GRIK4: variants seen among roughly 807,000 people sequenced by gnomAD.
GRIK4 encodes the protein glutamate receptor ionotropic, kainate 4.
A neutral mutation model predicts 104.9 loss-of-function variants in GRIK4; 40 were observed. The observed-to-expected ratio is 0.38, with a 90% CI of 0.30 to 0.50. The LOEUF is 0.50. Among genes scored for constraint, GRIK4 ranks in the 20% least tolerant of loss-of-function variants. The probability of loss-of-function intolerance (pLI) is 0.93; values close to 1 mark genes in which losing one functional copy is unlikely to be tolerated. For missense variants in GRIK4, 1,047 were observed against 1,308.1 expected (o/e 0.80, Z 3.08); for synonymous variants, 485 against 524.9 (o/e 0.92, Z 1.04).
intron 1 of GRIK4, among the ~76,000 whole-genome samples, chr11:120,574,452 C>A (rs1187095320): frequency 6.6e-6 from 1 of 152,206 alleles, no homozygotes; most frequent in African/African-American, 2.4e-5. Flanking sequence ...CTGTTTTACT[C>A]CCTTTTTGCA....
At chr11:120,748,990 C>T (rs115230587) in intron 3 of GRIK4, among the ~76,000 whole-genome samples, 1,570 of 152,264 alleles carry the variant, frequency 0.01, 23 homozygotes, top group African/African-American at 0.035. Context: ...TTGATCCAGG[C>T]TTTATGGCCA....
chr11:120,982,471 A>G (rs1944668324), intron 20 of GRIK4, among the ~76,000 whole-genome samples: 1 of 152,226 alleles, frequency 6.6e-6, no homozygotes, highest in Non-Finnish European at 1.5e-5. Flanking sequence ...GTTACTATGG[A>G]AAAGACAACC....
rs946226070 is a variant in GRIK4, at chr11:120,844,791, G to T, written c.744+7947G>T. Among the ~76,000 whole-genome samples, 6 of 152,326 alleles carry T rather than the reference G, an allele frequency of 3.9e-5. No individual in the cohort carries two copies. In the East Asian group the frequency reaches 1.2e-3, roughly 29 times the overall value. On this transcript the variant is annotated intron_variant, in intron 8 of 20. Transcript: ENST00000527524. The stretch of plus-strand genomic sequence containing the variant: ...ACGTTGTGCAGGACCATGTAGGGTG[G>T]TTTAGTTCAGGATCCAAGAGACACA...
chr11:120,864,785 C>G (rs944177746), intron 9 of GRIK4, among the ~76,000 whole-genome samples: 5 of 152,152 alleles, frequency 3.3e-5, no homozygotes, highest in Admixed American at 3.3e-4. Context: ...TTGTAAGGAT[C>G]CAGCACAAAG....
chr11:120,936,427 G>A (rs998342134), intron 13 of GRIK4: 4 of 252,136 alleles, frequency 1.6e-5, no homozygotes, highest in African/African-American at 4.6e-5. Flanking sequence ...GGAGAGATAC[G>A]GGTTTCATTT....
intron 3 of GRIK4, among the ~76,000 whole-genome samples, chr11:120,789,643 T>G (rs1259031561): frequency 2.0e-5 from 3 of 152,160 alleles, no homozygotes; most frequent in Admixed American, 6.5e-5. Context: ...CGGCACCTTC[T>G]GGACCTTCAG....
In GRIK4 at chr11:120,819,228, C is replaced by G. The variant is rs1435325956; in HGVS notation, c.346-527C>G. ...CGGGAGCCCATCCCCGCCCCACTTC[C>G]TCTCCCTGGGCATTCCCCACTGAAG... On this transcript the variant is annotated intron_variant, in intron 5 of 20. Coordinates refer to ENST00000527524, the MANE Select transcript of GRIK4 (RefSeq NM_014619.5). This position sits in a 1 kb window ranked among gnomAD's most constrained non-coding sequence, Gnocchi z 4.3. Among the ~76,000 whole-genome samples the G allele has an allele frequency of 6.6e-6, 1 of 152,234 alleles. No individual in the cohort carries two copies. The highest frequency in any genetic ancestry group is 1.5e-5 in the Non-Finnish European group (1 of 68,040).
intron 13 of GRIK4, among the ~76,000 whole-genome samples, chr11:120,914,622 G>A (rs1943067491): frequency 6.6e-6 from 1 of 152,192 alleles, no homozygotes; most frequent in African/African-American, 2.4e-5. Flanking sequence ...GTTGGTTCTG[G>A]ACAACTGGAG....
At chr11:120,984,555 T>G (rs1484585405) in intron 20 of GRIK4, among the ~76,000 whole-genome samples, 1 of 151,992 alleles carries the variant, frequency 6.6e-6, no homozygotes, top group Non-Finnish European at 1.5e-5. Flanking sequence ...AATCATGAGG[T>G]CGGCAGTTCA....
chr11:120,813,338 C>A (rs923660536), intron 4 of GRIK4, among the ~76,000 whole-genome samples: 1 of 152,092 alleles, frequency 6.6e-6, no homozygotes, highest in African/African-American at 2.4e-5. Flanking sequence ...AGACCCCACT[C>A]CCCCAAGGCA....
chr11:120,798,850 C>G (rs950716747), intron 3 of GRIK4, among the ~76,000 whole-genome samples: 4 of 152,174 alleles, frequency 2.6e-5, no homozygotes, highest in Non-Finnish European at 5.9e-5. Context: ...TTAGTTTTGT[C>G]CTACAGACCC....
At chr11:120,517,842 A>G (rs1169661308) in intron 1 of GRIK4, among the ~76,000 whole-genome samples, 1 of 152,180 alleles carries the variant, frequency 6.6e-6, no homozygotes, top group Non-Finnish European at 1.5e-5. Context: ...GAGTAGACAC[A>G]GGTTTAGAAT....
At chr11:120,671,447 C>G (rs1021919079) in intron 3 of GRIK4, among the ~76,000 whole-genome samples, 2 of 152,092 alleles carry the variant, frequency 1.3e-5, no homozygotes, top group African/African-American at 4.8e-5. Flanking sequence ...TCATGGATAT[C>G]TCATTTTGAT....
At chr11:120,920,420 C>T (rs1261148709) in intron 13 of GRIK4, among the ~76,000 whole-genome samples, 1 of 152,114 alleles carries the variant, frequency 6.6e-6, no homozygotes, top group Non-Finnish European at 1.5e-5. Flanking sequence ...TCTGCCTGCT[C>T]CCCTGGGACA....
intron 11 of GRIK4, among the ~76,000 whole-genome samples, 193 bp downstream of exon 11, chr11:120,875,436 AC>A (rs1040218638): frequency 2.0e-5 from 3 of 151,942 alleles, no homozygotes; most frequent in Non-Finnish European, 2.9e-5. Flanking sequence ...CAGGGACTGC[AC>A]CCCCAGCAAA....
At chr11:120,667,884 A>G (rs75034309) in intron 3 of GRIK4, among the ~76,000 whole-genome samples, 1 of 152,246 alleles carries the variant, frequency 6.6e-6, no homozygotes, top group African/African-American at 2.4e-5. Context: ...CTAATGCTCA[A>G]CCCTGACTGG....
At chr11:120,701,146 T>C (rs2135333189) in intron 3 of GRIK4, among the ~76,000 whole-genome samples, 1 of 152,334 alleles carries the variant, frequency 6.6e-6, no homozygotes, top group East Asian at 1.9e-4. Context: ...CCGTATCCCA[T>C]TGTTAAGCAA....
intron 13 of GRIK4, among the ~76,000 whole-genome samples, chr11:120,912,268 A>C (rs1943016162): frequency 6.6e-6 from 1 of 152,116 alleles, no homozygotes; most frequent in Non-Finnish European, 1.5e-5. Context: ...GGAAATGGTA[A>C]GTTTGAGGTG....
chr11:120,677,493 C>G (rs1950117889), intron 3 of GRIK4, among the ~76,000 whole-genome samples: 1 of 152,200 alleles, frequency 6.6e-6, no homozygotes. Flanking sequence ...GCTGGTCCTG[C>G]CTGTTCCTCT....
Sources: allele counts gnomAD v4.1 joint callset (sites outside exome capture counted in the v4.1 genomes callset), GRCh38; gene constraint gnomAD v4.1.1; non-coding constraint Gnocchi (gnomAD v3.1); transcripts MANE v1.5; gene names NCBI Gene and HGNC (gene_info 2026-07-23, HGNC 2026-07-21).